Variants in STXBP6 observed in about 807,000 individuals in gnomAD.
STXBP6 encodes syntaxin binding protein 6, also known as syntaxin-binding protein 6.
Under a neutral mutation model 26.9 loss-of-function variants are expected in STXBP6, and 21 were observed. The ratio of observed to expected loss-of-function variants is 0.78; its 90% CI spans 0.55 to 1.12. STXBP6 has a LOEUF of 1.12. Among genes scored for constraint, STXBP6 ranks in the 50% most tolerant of loss-of-function variants. The probability of loss-of-function intolerance (pLI) is 0.00; values close to 1 mark genes in which losing one functional copy is unlikely to be tolerated. For synonymous variants in STXBP6, 97 were observed against 92.6 expected (o/e 1.05, Z -0.27); for missense variants, 232 against 257.9 (o/e 0.90, Z 0.69).
At chr14:24,869,759 C>A (rs1289851329) in intron 2 of STXBP6, among the ~76,000 whole-genome samples, 2 of 152,206 alleles carry the variant, frequency 1.3e-5, no homozygotes, top group Non-Finnish European at 2.9e-5. Context: ...CTCAGACTTA[C>A]AGCCTAAAGT....
Position 24,840,600 on chromosome 14 carries a change from G to A in STXBP6, c.451+15336C>T, listed in dbSNP as rs553086427. 7.2e-5 allele frequency among the ~76,000 whole-genome samples: 11 copies of A among 152,234 alleles called. 1 individual carries two copies. The South Asian group carries it at 2.3e-3, about 32-fold the overall frequency. Reference sequence around the variant, plus strand: ...GATCATTTCATTCTGAGGGCTTTAGGCTTTATCTGAGACTGCAGGTATGAG... The same window carrying A: ...GATCATTTCATTCTGAGGGCTTTAGACTTTATCTGAGACTGCAGGTATGAG... On this transcript the variant is annotated intron_variant, in intron 4 of 5. Coordinates refer to ENST00000323944, the MANE Select transcript of STXBP6 (RefSeq NM_001394410.1).
At chr14:24,915,102 T>C (rs1295404208) in intron 2 of STXBP6, among the ~76,000 whole-genome samples, 7 of 152,146 alleles carry the variant, frequency 4.6e-5, no homozygotes, top group Non-Finnish European at 5.9e-5. Flanking sequence ...AAATACACAA[T>C]TGCATTTCAT....
intron 1 of STXBP6, among the ~76,000 whole-genome samples, chr14:24,995,305 C>T (rs755864492): frequency 6.6e-6 from 1 of 152,216 alleles, no homozygotes; most frequent in Non-Finnish European, 1.5e-5. Flanking sequence ...GCCCCACTTT[C>T]TGCAACCATC....
At chr14:24,916,896 C>T (rs1467748554) in intron 2 of STXBP6, among the ~76,000 whole-genome samples, 1 of 152,092 alleles carries the variant, frequency 6.6e-6, no homozygotes, top group Non-Finnish European at 1.5e-5. Context: ...CAGTCCTTTT[C>T]AGAGTATATT....
chr14:24,933,148 C>T (rs918748479), intron 2 of STXBP6, among the ~76,000 whole-genome samples: 2 of 152,140 alleles, frequency 1.3e-5, no homozygotes, highest in Non-Finnish European at 2.9e-5. Context: ...TGAGACCAGC[C>T]TAGCCAATAT....
In STXBP6 at chr14:25,027,286, G is replaced by A. The variant is rs569540018; in HGVS notation, c.-33+22592C>T. Reference sequence around the variant, plus strand: ...TTCCAACAGCATGTGCCCACTCCATGTCTCTGGGTCACATTTTGATAATTT... The same window carrying A: ...TTCCAACAGCATGTGCCCACTCCATATCTCTGGGTCACATTTTGATAATTT... On this transcript the variant is annotated intron_variant, in intron 1 of 5. Transcript: ENST00000323944. 5.3e-5 allele frequency among the ~76,000 whole-genome samples: 8 copies of A among 152,166 alleles called. No individual in the cohort carries two copies. The East Asian group carries it at 1.5e-3, about 29-fold the overall frequency.
At chr14:24,949,803 C>A (rs1456449191) in intron 2 of STXBP6, among the ~76,000 whole-genome samples, 1 of 152,178 alleles carries the variant, frequency 6.6e-6, no homozygotes, top group African/African-American at 2.4e-5. Context: ...TGTAGTGTAA[C>A]TGAGCCTCAG....
chr14:24,885,178 T>C lies in STXBP6; in HGVS notation c.155-28021A>G, dbSNP rs578073198. Among the ~76,000 whole-genome samples, 5 of 152,278 alleles carry C rather than the reference T, an allele frequency of 3.3e-5. No individual in the cohort carries two copies. In the South Asian group the frequency reaches 1.0e-3, roughly 32 times the overall value. On this transcript the variant is annotated intron_variant, in intron 2 of 5. Coordinates refer to ENST00000323944, the MANE Select transcript of STXBP6 (RefSeq NM_001394410.1). ...TAAGAGGACCATAAAGTTTCTGTGA[T>C]ATTTCTATTCTTTACTTAAATTCAA... is the stretch of plus-strand genomic sequence containing the variant.
chr14:24,899,803 A>ATAAAAAAAAAAAAAAAAAAAAAAAGC (rs1438038815), intron 2 of STXBP6, among the ~76,000 whole-genome samples: 1 of 80,118 alleles, frequency 1.2e-5, no homozygotes, highest in Non-Finnish European at 2.2e-5. Context: ...AAAAAAAGCA[A>ATAAAAAAAAAAAAAAAAAAAAAAAGC]AAAAAAAAAA....
intron 1 of STXBP6, among the ~76,000 whole-genome samples, chr14:24,985,117 C>T (rs928102496): frequency 6.6e-6 from 1 of 152,216 alleles, no homozygotes; most frequent in African/African-American, 2.4e-5. Context: ...TTCTGGATAT[C>T]TGTTCATCTT....
intron 1 of STXBP6, among the ~76,000 whole-genome samples, chr14:25,035,695 ACCT>A (rs1454369632): frequency 6.6e-6 from 1 of 152,130 alleles, no homozygotes; most frequent in African/African-American, 2.4e-5. Context: ...TTTCTCAGCT[ACCT>A]CATTTTATCC....
chr14:24,855,803 A>T, intron 4 of STXBP6, 133 bp downstream of exon 4: 1 of 752,766 alleles, frequency 1.3e-6, no homozygotes, highest in Non-Finnish European at 2.0e-6. Flanking sequence ...AATGGTTCTT[A>T]TGTTGTCTAG....
chr14:24,990,221 T>C (rs1233860523), intron 1 of STXBP6, among the ~76,000 whole-genome samples: 1 of 152,202 alleles, frequency 6.6e-6, no homozygotes, highest in Non-Finnish European at 1.5e-5. Flanking sequence ...CTCATCACTT[T>C]GTGCTTCTGA....
At chr14:24,878,054 C>T (rs1272122323) in intron 2 of STXBP6, among the ~76,000 whole-genome samples, 2 of 151,970 alleles carry the variant, frequency 1.3e-5, no homozygotes, top group Non-Finnish European at 2.9e-5. Context: ...TCTTTTTGCC[C>T]ATTTTTCTAT....
intron 1 of STXBP6, among the ~76,000 whole-genome samples, chr14:25,008,942 G>A (rs1221156060): frequency 3.3e-5 from 5 of 152,110 alleles, no homozygotes; most frequent in Admixed American, 6.5e-5. Context: ...AAAGGTTTAA[G>A]TTTTTTAGCA....
In STXBP6 at chr14:25,049,056, A is replaced by C; in HGVS notation, c.-33+822T>G. The C allele has an allele frequency of 1.6e-6, 1 of 640,364 alleles. No homozygotes were observed. The highest frequency in any genetic ancestry group is 1.9e-6 in the Non-Finnish European group (1 of 514,836). The allele number at this position is 640,364 out of a possible 1,614,324, so 39.7% of individuals were successfully genotyped here. On this transcript the variant is annotated intron_variant, in intron 1 of 5. Transcript: ENST00000323944. This position sits in a 1 kb window ranked among gnomAD's most constrained non-coding sequence, Gnocchi z 5.6. ...TGGGGCCAGAACCAAGGGCAGATAC[A>C]CCCCGGGGACTTTCTCCTAAAGAAC...
chr14:24,983,727 G>T (rs2074257706), intron 1 of STXBP6, among the ~76,000 whole-genome samples: 1 of 152,100 alleles, frequency 6.6e-6, no homozygotes, highest in African/African-American at 2.4e-5. Context: ...TTTTATATTA[G>T]ATATTTGTTG....
rs747010332 is a variant in STXBP6 at position 25,002,359 on chromosome 14, C to CTT, written c.-32-27511_-32-27510dup. Among the ~76,000 whole-genome samples the CTT allele has an allele frequency of 2.5e-4, 30 of 121,352 alleles. 1 individual carries two copies. The highest frequency in any genetic ancestry group is 2.7e-4 in the Non-Finnish European group (16 of 59,428). 79.6% of individuals were successfully genotyped at this position (121,352 alleles called of 152,430 possible). A position where few individuals can be genotyped will look rare whatever the true frequency, so the allele number is the denominator to read the frequency against. ...ATCCCATACAGTTAAATTCTTATGA[C>CTT]TTTTTTTTTTTTTTTTTTGAGACAC... On this transcript the variant is annotated intron_variant, in intron 1 of 5. Transcript: ENST00000323944.
chr14:24,977,142 G>C (rs2140218130), intron 1 of STXBP6, among the ~76,000 whole-genome samples: 4 of 152,040 alleles, frequency 2.6e-5, no homozygotes, highest in African/African-American at 9.6e-5. Flanking sequence ...GGGATTACAG[G>C]CATGAGCCAC....
Sources: allele counts gnomAD v4.1 joint callset (sites outside exome capture counted in the v4.1 genomes callset), GRCh38; gene constraint gnomAD v4.1.1; non-coding constraint Gnocchi (gnomAD v3.1); transcripts MANE v1.5; gene names NCBI Gene and HGNC (gene_info 2026-07-23, HGNC 2026-07-21).